Variants in PLEKHG3 observed in about 807,000 individuals in gnomAD.
The protein encoded by PLEKHG3 is pleckstrin homology and RhoGEF domain containing G3, also known as pleckstrin homology domain-containing family G member 3.
PLEKHG3 carries 62 observed loss-of-function variants against 94.9 expected under a neutral mutation model. The ratio of observed to expected loss-of-function variants is 0.65; its 90% CI spans 0.53 to 0.81. PLEKHG3 has a LOEUF of 0.81. PLEKHG3 is among the 30% of genes least tolerant of loss of function. The pLI is 0.00. For synonymous variants in PLEKHG3, 614 were observed against 654.0 expected (o/e 0.94, Z 0.93); for missense variants, 1,461 against 1,619.3 (o/e 0.90, Z 1.68).
rs2081379697 is a variant in PLEKHG3, at chr14:64,727,732, G to A, written c.101G>A (p.Ser34Asn). ...SSSGSSCDSR[S>N]AMEEPSSSEA... ...TCGGGCTCCTCCTGTGACAGTCGCA[G>A]TGCCATGGAGGAGCCCAGCAGCTCC... Residue 34 changes from serine to asparagine, a missense_variant, in exon 2 of 17, where the codon AGT becomes AAT. Physicochemically the swap from Ser to Asn is conservative, Grantham distance 46 (BLOSUM62 1). This residue lies in a region of PLEKHG3 where 253 missense variants were observed against 297.8 expected (regional missense o/e 0.85). Coordinates refer to ENST00000247226, the MANE Select transcript of PLEKHG3 (RefSeq NM_001308147.2). This position sits in a 1 kb window ranked among gnomAD's most constrained non-coding sequence, Gnocchi z 6.0. 6.2e-7 allele frequency: 1 copy of A among 1,611,916 alleles called. No individual in the cohort carries two copies. Among genetic ancestry groups the A allele is most frequent in the South Asian group, 1.1e-5 (1 of 90,996 alleles).
At position 64,738,692 on chromosome 14, in the gene PLEKHG3, G is replaced by T; in HGVS notation, c.1405-50G>T. ...ACTGCCCGTGTTGGGATGCAGAAGG[G>T]ATCAGCTTCCAGTTGTCTTGGAGTT... On this transcript the variant is annotated intron_variant, in intron 14 of 16. Coordinates refer to ENST00000247226, the MANE Select transcript of PLEKHG3 (RefSeq NM_001308147.2). This position sits in a 1 kb window ranked among gnomAD's most constrained non-coding sequence, Gnocchi z 4.8. The T allele has an allele frequency of 7.8e-7, 1 of 1,283,272 alleles. No individual in the cohort carries two copies. Among genetic ancestry groups the T allele is most frequent in the South Asian group, 1.3e-5 (1 of 78,726 alleles). 79.5% of individuals were successfully genotyped at this position (1,283,272 alleles called of 1,614,324 possible).
intron 1 of PLEKHG3, among the ~76,000 whole-genome samples, chr14:64,708,595 C>T (rs536941781): frequency 2.0e-5 from 3 of 152,172 alleles, no homozygotes; most frequent in Admixed American, 6.5e-5. Flanking sequence ...AACTCAGGGT[C>T]GGCTGCCTAA....
At position 64,749,943 on chromosome 14, in the gene PLEKHG3, C is replaced by T. The variant is rs778400509; in HGVS notation, c.*6240C>T. ...GCCCTGCCACTAATGCCAAATCAAG[C>T]CATCAACCCGAGCTTTCAAAGGCCA... On this transcript the variant is annotated 3_prime_UTR_variant, in exon 17 of 17. Transcript: ENST00000247226. This position sits in a 1 kb window ranked among gnomAD's most constrained non-coding sequence, Gnocchi z 4.7. 2 of 1,613,998 alleles carry T rather than the reference C, an allele frequency of 1.2e-6. No individual in the cohort carries two copies. The highest frequency in any genetic ancestry group is 2.2e-5 in the South Asian group (2 of 91,068).
Position 64,722,759 on chromosome 14 carries a change from C to T in PLEKHG3, c.-39-4834C>T, listed in dbSNP as rs1409742766. ...GGTGTGCCCACCAGAGGGTTCACCC[C>T]CAAGTGTCCTCTTCCCCTCTCCTGC... On this transcript the variant is annotated intron_variant, in intron 1 of 16. Transcript: ENST00000247226. The surrounding 1 kb of genome is among the most constrained non-coding windows in gnomAD (Gnocchi z 4.3). Among the ~76,000 whole-genome samples the T allele has an allele frequency of 2.0e-5, 3 of 152,130 alleles. No homozygotes were observed. Among genetic ancestry groups the T allele is most frequent in the African/African-American group, 7.2e-5 (3 of 41,414 alleles).
chr14:64,749,084 C>T lies in PLEKHG3; in HGVS notation c.*5381C>T. Reference sequence around the variant, plus strand: ...AAGGCGCCAGAGGAGCTGGGAGCCCCTGTCCCTGGAGCGGAGCCAGCGCGG... The same window carrying T: ...AAGGCGCCAGAGGAGCTGGGAGCCCTTGTCCCTGGAGCGGAGCCAGCGCGG... On this transcript the variant is annotated 3_prime_UTR_variant, in exon 17 of 17. Transcript: ENST00000247226. The surrounding 1 kb of genome is among the most constrained non-coding windows in gnomAD (Gnocchi z 4.7). The T allele has an allele frequency of 6.2e-6, 3 of 483,260 alleles. No homozygotes were observed. The highest frequency in any genetic ancestry group is 4.5e-5 in the South Asian group (2 of 44,460). 29.9% of individuals were successfully genotyped at this position (483,260 alleles called of 1,614,324 possible).
chr14:64,724,989 C>T (rs935440039), intron 1 of PLEKHG3, among the ~76,000 whole-genome samples: 1 of 152,186 alleles, frequency 6.6e-6, no homozygotes, highest in African/African-American at 2.4e-5. Flanking sequence ...GGCTGTTATG[C>T]TTTGTTTTAG....
chr14:64,737,441 G>C, intron 14 of PLEKHG3, 66 bp downstream of exon 14: 1 of 1,112,186 alleles, frequency 9.0e-7, no homozygotes, highest in Non-Finnish European at 1.3e-6. Flanking sequence ...GTCAGCCCCC[G>C]GCCCCTTCAG....
In PLEKHG3 at chr14:64,749,272, G is replaced by C. The variant is rs753168397; in HGVS notation, c.*5569G>C. 6.5e-7 allele frequency: 1 copy of C among 1,547,908 alleles called. No individual in the cohort carries two copies. Among genetic ancestry groups the C allele is most frequent in the Non-Finnish European group, 8.7e-7 (1 of 1,151,708 alleles). ...GGCCTGGGCTGCCCGGTCTCTGCGC[G>C]TCCCGACTCCGCCGCGCCCGCCAGC... On this transcript the variant is annotated 3_prime_UTR_variant, in exon 17 of 17. Coordinates refer to ENST00000247226, the MANE Select transcript of PLEKHG3 (RefSeq NM_001308147.2). The surrounding 1 kb of genome is among the most constrained non-coding windows in gnomAD (Gnocchi z 4.7).
rs2081612666 is a variant in PLEKHG3, at chr14:64,738,146, C to T, written c.1405-596C>T. On this transcript the variant is annotated intron_variant, in intron 14 of 16. Transcript: ENST00000247226. The surrounding 1 kb of genome is among the most constrained non-coding windows in gnomAD (Gnocchi z 4.8). The stretch of plus-strand genomic sequence containing the variant: ...TGGCGGTGGCGGAGCAGGTAGCCGA[C>T]TTTGCCAGCTCCCTGCTGGCCGCCC... 4.6e-6 allele frequency: 6 copies of T among 1,296,548 alleles called. No homozygotes were observed. Among genetic ancestry groups the T allele is most frequent in the African/African-American group, 3.0e-5 (2 of 66,304 alleles). 80.3% of individuals were successfully genotyped at this position (1,296,548 alleles called of 1,614,324 possible). A position where few individuals can be genotyped will look rare whatever the true frequency, so the allele number is the denominator to read the frequency against.
In PLEKHG3 at chr14:64,722,673, G is replaced by A. The variant is rs1476193696; in HGVS notation, c.-39-4920G>A. 2.0e-5 allele frequency among the ~76,000 whole-genome samples: 3 copies of A among 152,172 alleles called. No homozygotes were observed. The highest frequency in any genetic ancestry group is 7.2e-5 in the African/African-American group (3 of 41,440). On this transcript the variant is annotated intron_variant, in intron 1 of 16. Transcript: ENST00000247226. This position sits in a 1 kb window ranked among gnomAD's most constrained non-coding sequence, Gnocchi z 4.3. ...GGCTTCTCATTCTTGAGTGTGGGGTGAAGGGCAGTGGATGAAATGACGACA... is the reference window on the plus strand; with the variant it reads ...GGCTTCTCATTCTTGAGTGTGGGGTAAAGGGCAGTGGATGAAATGACGACA...
In PLEKHG3 at chr14:64,721,293, A is replaced by G. The variant is rs1372019766; in HGVS notation, c.-39-6300A>G. 2.6e-5 allele frequency among the ~76,000 whole-genome samples: 4 copies of G among 152,120 alleles called. No homozygotes were observed. Among genetic ancestry groups the G allele is most frequent in the Non-Finnish European group, 4.4e-5 (3 of 67,998 alleles). ...GGGCACATGTTGGGTAGGTGGGGAC[A>G]GGGGGGTGTAGATGAACAGCCCTCC... On this transcript the variant is annotated intron_variant, in intron 1 of 16. Coordinates refer to ENST00000247226, the MANE Select transcript of PLEKHG3 (RefSeq NM_001308147.2). This position sits in a 1 kb window ranked among gnomAD's most constrained non-coding sequence, Gnocchi z 4.3.
chr14:64,710,330 A>G (rs1024298656), intron 1 of PLEKHG3, among the ~76,000 whole-genome samples: 1 of 152,314 alleles, frequency 6.6e-6, no homozygotes, highest in South Asian at 2.1e-4. Flanking sequence ...ACTTCTACAT[A>G]TAAGCTATGT....
At position 64,729,022 on chromosome 14, in the gene PLEKHG3, A is replaced by G. The variant is rs1388266420; in HGVS notation, c.378A>G (p.Thr126=). 1.3e-6 allele frequency: 2 copies of G among 1,522,720 alleles called. No individual in the cohort carries two copies. Among genetic ancestry groups the G allele is most frequent in the African/African-American group, 2.7e-5 (2 of 72,850 alleles). The allele number at this position is 1,522,720 out of a possible 1,614,324, so 94.3% of individuals were successfully genotyped here. A position where few individuals can be genotyped will look rare whatever the true frequency, so the allele number is the denominator to read the frequency against. The change falls in exon 3 of 17, where the codon ACA becomes ACG. Residue 126 remains threonine, a synonymous_variant. Transcript: ENST00000247226. ...ACTACCTCTTGAAGATCATTGACACACCCGGGCTGCTGAAGCCAGAACAGG... is the reference window on the plus strand; with the variant it reads ...ACTACCTCTTGAAGATCATTGACACGCCCGGGCTGCTGAAGCCAGAACAGG... ...VEDYLLKIID[T]PGLLKPEQVS...
In PLEKHG3 at chr14:64,716,463, CACA is replaced by C. The variant is rs1220075068; in HGVS notation, c.-39-11126_-39-11124del. Among the ~76,000 whole-genome samples, 4 of 115,738 alleles carry C rather than the reference CACA, an allele frequency of 3.5e-5. No individual in the cohort carries two copies. Among genetic ancestry groups the C allele is most frequent in the African/African-American group, 9.8e-5 (3 of 30,512 alleles). 75.9% of individuals were successfully genotyped at this position (115,738 alleles called of 152,430 possible). A position where few individuals can be genotyped will look rare whatever the true frequency, so the allele number is the denominator to read the frequency against. On this transcript the variant is annotated intron_variant, in intron 1 of 16. Coordinates refer to ENST00000247226, the MANE Select transcript of PLEKHG3 (RefSeq NM_001308147.2). This position sits in a 1 kb window ranked among gnomAD's most constrained non-coding sequence, Gnocchi z 5.0. Reference sequence around the variant, plus strand: ...ACACACACACACACACACACACACACACAACACACACACACACAACACACACAC... The same window carrying C: ...ACACACACACACACACACACACACACACACACACACACACAACACACACAC...
At position 64,729,082 on chromosome 14, in the gene PLEKHG3, C is replaced by A; in HGVS notation, c.438C>A (p.Tyr146Ter). 3.4e-6 allele frequency: 5 copies of A among 1,481,730 alleles called. No homozygotes were observed. Among genetic ancestry groups the A allele is most frequent in the Non-Finnish European group, 4.6e-6 (5 of 1,097,958 alleles). The allele number at this position is 1,481,730 out of a possible 1,614,324, so 91.8% of individuals were successfully genotyped here. A position where few individuals can be genotyped will look rare whatever the true frequency, so the allele number is the denominator to read the frequency against. The change falls in exon 3 of 17, where the codon TAC (tyrosine) becomes TAA (stop). Residue 146 changes from tyrosine to a stop codon, truncating the protein, a stop_gained. Coordinates refer to ENST00000247226, the MANE Select transcript of PLEKHG3 (RefSeq NM_001308147.2). LOFTEE classifies it high-confidence loss of function. ...SALFGNIENIYALNSQLLRDL... is the reference protein window; with the variant it reads ...SALFGNIENI The stretch of plus-strand genomic sequence containing the variant: ...TCTTTGGGAACATAGAAAATATCTA[C>A]GCGCTGAACAGGTGTGTGAATGGGC...
intron 15 of PLEKHG3, among the ~76,000 whole-genome samples, chr14:64,740,160 TC>T (rs1487593408): frequency 2.0e-5 from 3 of 152,188 alleles, no homozygotes; most frequent in African/African-American, 7.2e-5. Flanking sequence ...TAACCCCATT[TC>T]GGGTGCTCAG....
At chr14:64,707,017 G>C (rs940705129) in intron 1 of PLEKHG3, among the ~76,000 whole-genome samples, 1 of 152,226 alleles carries the variant, frequency 6.6e-6, no homozygotes, top group Non-Finnish European at 1.5e-5. Flanking sequence ...GCTGTCTTCA[G>C]CTCCTCATCT....
chr14:64,743,567 G>A lies in PLEKHG3; in HGVS notation c.3524G>A (p.Gly1175Glu), dbSNP rs1311747714. ...CCAAGCTCACCGGTGGCCCTGCTGG[G>A]GCAGGTTCAGGACTTCCAGCAGTCT... ...QGPSSPVALL[G>E]QVQDFQQSAE... The change falls in exon 17 of 17, where the codon GGG becomes GAG. Residue 1175 changes from glycine to glutamate, a missense_variant. By Grantham distance (98) the Gly-to-Glu change is moderately conservative. Around this residue, in one of 3 missense-constraint regions of PLEKHG3, gnomAD observed 1,201 missense variants for 1,295.5 expected, o/e 0.93. Transcript: ENST00000247226. The surrounding 1 kb of genome is among the most constrained non-coding windows in gnomAD (Gnocchi z 7.2). The A allele has an allele frequency of 6.2e-7, 1 of 1,612,842 alleles. No individual in the cohort carries two copies. Among genetic ancestry groups the A allele is most frequent in the African/African-American group, 1.3e-5 (1 of 74,934 alleles).
intron 14 of PLEKHG3, chr14:64,737,840 G>A (rs1437192133): frequency 8.7e-7 from 1 of 1,152,836 alleles, no homozygotes; most frequent in Non-Finnish European, 1.1e-6. Flanking sequence ...CTGGTCACGA[G>A]GGGGTCTTGT....
Sources: allele counts gnomAD v4.1 joint callset (sites outside exome capture counted in the v4.1 genomes callset), GRCh38; gene constraint gnomAD v4.1.1; regional missense constraint gnomAD v4.1.1; non-coding constraint Gnocchi (gnomAD v3.1); transcripts MANE v1.5; gene names NCBI Gene and HGNC (gene_info 2026-07-23, HGNC 2026-07-21).